TARDBP: variants seen among roughly 807,000 people sequenced by gnomAD.
The protein encoded by TARDBP is TAR DNA binding protein.
A neutral mutation model predicts 38.3 loss-of-function variants in TARDBP; 4 were observed. The ratio of observed to expected loss-of-function variants is 0.10; its 90% CI spans 0.05 to 0.24. TARDBP has a LOEUF of 0.24. Among genes scored for constraint, TARDBP ranks in the 10% least tolerant of loss-of-function variants. The probability of loss-of-function intolerance (pLI) is 1.00; values close to 1 mark genes in which losing one functional copy is unlikely to be tolerated. For missense variants in TARDBP, 202 were observed against 521.9 expected, an observed-to-expected ratio of 0.39 and a Z score of 5.97; for synonymous variants, 184 against 183.8, an observed-to-expected ratio of 1.00 and a Z score of -0.01.
chr1:11,027,574 A>G, downstream of TARDBP: 1 of 1,614,196 alleles, frequency 6.2e-7, no homozygotes, highest in Non-Finnish European at 8.5e-7. Flanking sequence ...AGGACTTGCC[A>G]AGGAAAATCA....
chr1:11,013,695 T>A, intron 1 of TARDBP, 21 bp from the exon 2 acceptor site: 2 of 1,551,166 alleles, frequency 1.3e-6, no homozygotes, highest in Non-Finnish European at 1.8e-6. Flanking sequence ...TGTTGTTCAT[T>A]CATATCTCTT....
At chr1:11,015,742 GTTGTTTGT>G (rs1381561998) in intron 2 of TARDBP, 4 of 119,240 alleles carry the variant, frequency 3.4e-5, no homozygotes, top group Non-Finnish European at 6.9e-5. Flanking sequence ...TTTTTTTGTT[GTTGTTTGT>G]TTGTTTGTTT....
intron 2 of TARDBP, 121 bp from the exon 3 acceptor site, chr1:11,016,723 T>G (rs1416480138): frequency 1.8e-5 from 19 of 1,057,348 alleles, no homozygotes; most frequent in Middle Eastern, 3.1e-4. Flanking sequence ...CTTGCCAAGT[T>G]TTCAGTGTCT....
chr1:11,023,548 G>A lies in TARDBP; in HGVS notation c.*894G>A. 2 of 437,070 alleles carry A rather than the reference G, an allele frequency of 4.6e-6. No homozygotes were observed. The highest frequency in any genetic ancestry group is 4.1e-6 in the Non-Finnish European group (1 of 245,988). 27.1% of individuals were successfully genotyped at this position (437,070 alleles called of 1,614,324 possible). Reference sequence around the variant, plus strand: ...CATAATGGATATTTTTTAACTTGGCGAGATGTGTCTCTCAATCCTGTGGCT... The same window carrying A: ...CATAATGGATATTTTTTAACTTGGCAAGATGTGTCTCTCAATCCTGTGGCT... On this transcript the variant is annotated 3_prime_UTR_variant, in exon 6 of 6. Coordinates refer to ENST00000240185, the MANE Select transcript of TARDBP (RefSeq NM_007375.4).
chr1:11,029,657 T>TTTG (rs4045714), downstream of TARDBP: 1 of 145,280 alleles, frequency 6.9e-6, no homozygotes, highest in East Asian at 2.0e-4. Flanking sequence ...TTTTTTTTTT[T>TTTG]GGATATGGAA....
chr1:11,019,332 A>G (rs1423761959), intron 4 of TARDBP: 1 of 303,444 alleles, frequency 3.3e-6, no homozygotes, highest in Non-Finnish European at 6.3e-6. Flanking sequence ...TCACATGGCA[A>G]AGTTGATCAG....
chr1:11,027,064 T>C (rs148079537), downstream of TARDBP: 136 of 1,592,712 alleles, frequency 8.5e-5, no homozygotes, highest in Middle Eastern at 5.0e-4. Flanking sequence ...CCTCTGCAGC[T>C]GTCCTTGCCC....
intron 2 of TARDBP, among the ~76,000 whole-genome samples, chr1:11,014,451 T>C (rs1331008839): frequency 6.6e-6 from 1 of 152,220 alleles, no homozygotes; most frequent in Non-Finnish European, 1.5e-5. Flanking sequence ...CTGCCTCTTA[T>C]CAATGATGTT....
intron 2 of TARDBP, 133 bp downstream of exon 2, chr1:11,014,098 C>A: frequency 3.2e-6 from 3 of 934,342 alleles, no homozygotes; most frequent in Non-Finnish European, 5.3e-6. Flanking sequence ...CAGTGTTAGA[C>A]AAGTTTGGAA....
At chr1:11,027,622 C>T (rs1643761809), downstream of TARDBP, 1 of 1,612,712 alleles carries the variant, frequency 6.2e-7, no homozygotes, top group Non-Finnish European at 8.5e-7. Flanking sequence ...ATACGCCCTC[C>T]TGTTGTGCGG....
chr1:11,022,033 A>T lies in TARDBP; in HGVS notation c.715-91A>T. On this transcript the variant is annotated intron_variant, in intron 5 of 5. Coordinates refer to ENST00000240185, the MANE Select transcript of TARDBP (RefSeq NM_007375.4). This position sits in a 1 kb window ranked among gnomAD's most constrained non-coding sequence, Gnocchi z 4.5. The stretch of plus-strand genomic sequence containing the variant: ...CTTATTTTTCCTCTGGCTTTAGATA[A>T]ATTAATGCTTGTAATCTAAGTTTTG... The T allele has an allele frequency of 6.7e-7, 1 of 1,482,786 alleles. No homozygotes were observed. The highest frequency in any genetic ancestry group is 9.4e-7 in the Non-Finnish European group (1 of 1,067,786). The allele number at this position is 1,482,786 out of a possible 1,614,324, so 91.9% of individuals were successfully genotyped here.
intron 4 of TARDBP, chr1:11,019,308 AAC>A (rs1168008124): frequency 1.6e-5 from 5 of 312,308 alleles, no homozygotes; most frequent in Non-Finnish European, 6.2e-6. Context: ...CTCAAATCCA[AAC>A]ACAGTCATGT....
intron 4 of TARDBP, among the ~76,000 whole-genome samples, chr1:11,019,659 C>T (rs1483196692): frequency 3.3e-5 from 5 of 151,780 alleles, no homozygotes; most frequent in East Asian, 1.9e-4. Context: ...CTCTGCCTCC[C>T]GGGTTCACGT....
At chr1:11,018,636 T>G (rs1643576414) in intron 3 of TARDBP, 97 bp from the exon 4 acceptor site, 1 of 1,575,712 alleles carries the variant, frequency 6.3e-7, no homozygotes, top group African/African-American at 1.3e-5. Context: ...CTGCATCCAG[T>G]TGAAACCATT....
At chr1:11,016,603 T>TC (rs1643530320) in intron 2 of TARDBP, among the ~76,000 whole-genome samples, 1 of 152,198 alleles carries the variant, frequency 6.6e-6, no homozygotes, top group South Asian at 2.1e-4. Flanking sequence ...GAGATTGTAA[T>TC]CCGGAAATGC....
chr1:11,025,982 A>G (rs1432956722), downstream of TARDBP: 1 of 154,822 alleles, frequency 6.5e-6, no homozygotes, highest in East Asian at 1.9e-4. Flanking sequence ...CAAGTATTTC[A>G]TGTTCATTGT....
chr1:11,016,746 A>T, intron 2 of TARDBP, 98 bp from the exon 3 acceptor site: 1 of 1,263,228 alleles, frequency 7.9e-7, no homozygotes, highest in South Asian at 1.3e-5. Context: ...TTCTTCTTAG[A>T]GTCTTCTTTT....
chr1:11,016,947 A>G lies in TARDBP; in HGVS notation c.342A>G (p.Lys114=). 1 of 1,614,220 alleles carries G rather than the reference A, an allele frequency of 6.2e-7. No individual in the cohort carries two copies. The highest frequency in any genetic ancestry group is 8.5e-7 in the Non-Finnish European group (1 of 1,180,038). Residue 114 remains lysine, a synonymous_variant, in exon 3 of 6, where the codon AAA becomes AAG. Transcript: ENST00000240185. ...SDLIVLGLPW[K]TTEQDLKEYF... is the part of the protein sequence containing the mutation. ...TAATAGTGTTGGGTCTCCCATGGAA[A>G]ACAACCGAACAGGACCTGAAAGAGT... is the stretch of plus-strand genomic sequence containing the variant.
At chr1:11,026,505 A>G (rs577946484), downstream of TARDBP, 56 of 160,358 alleles carry the variant, frequency 3.5e-4, no homozygotes, top group Non-Finnish European at 6.5e-4. Flanking sequence ...GCCATAATAT[A>G]TAAAGCACTT....
Sources: allele counts gnomAD v4.1 joint callset (sites outside exome capture counted in the v4.1 genomes callset), GRCh38; gene constraint gnomAD v4.1.1; non-coding constraint Gnocchi (gnomAD v3.1); transcripts MANE v1.5; gene names NCBI Gene and HGNC (gene_info 2026-07-23, HGNC 2026-07-21).